TRPM1: variants seen among roughly 807,000 people sequenced by gnomAD.
The protein encoded by TRPM1 is TRPM1-203 APA Isoform, Intron 10.
Under a neutral mutation model 149.4 loss-of-function variants are expected in TRPM1, and 113 were observed. That is an observed-to-expected ratio of 0.76 (90% CI 0.65 to 0.88). The LOEUF (loss-of-function observed/expected upper bound fraction) is 0.88, where lower values mean the gene tolerates loss of function less well. TRPM1 is among the 40% of genes least tolerant of loss of function. The pLI, the probability that TRPM1 is intolerant of heterozygous loss-of-function variation, is 0.00. For missense variants in TRPM1, 1,976 were observed against 2,038.7 expected (o/e 0.97, Z 0.59); for synonymous variants, 741 against 759.5 (o/e 0.98, Z 0.40).
At chr15:31,113,803 T>C (rs2338854) in intron 1 of TRPM1, among the ~76,000 whole-genome samples, 61,533 of 151,664 alleles carry the variant, frequency 0.41, 13,096 homozygotes, top group East Asian at 0.72. Flanking sequence ...GACCCACAGT[T>C]AGCAACAGCA....
intron 1 of TRPM1, among the ~76,000 whole-genome samples, chr15:31,147,314 G>C (rs527849607): frequency 6.6e-6 from 1 of 152,180 alleles, no homozygotes; most frequent in Non-Finnish European, 1.5e-5. Context: ...ACAAAGAACC[G>C]TTCTGAATTT....
intron 1 of TRPM1, among the ~76,000 whole-genome samples, chr15:31,109,698 TA>T (rs71420547): frequency 0.011 from 1,298 of 123,024 alleles, 7 homozygotes; most frequent in African/African-American, 0.03. Flanking sequence ...AGACTCTGTC[TA>T]AAAAAAAAAA....
intron 1 of TRPM1, among the ~76,000 whole-genome samples, chr15:31,136,643 C>CCGAA (rs1017070595): frequency 2.0e-5 from 3 of 152,120 alleles, no homozygotes; most frequent in African/African-American, 7.2e-5. Flanking sequence ...AATCCTTAAC[C>CCGAA]CGAACGAAGT....
rs1372434952 is a variant in TRPM1 at position 31,028,447 on chromosome 15, C to T, written c.3178G>A (p.Glu1060Lys). The T allele has an allele frequency of 2.1e-5, 34 of 1,613,876 alleles. No individual in the cohort carries two copies. The highest frequency in any genetic ancestry group is 2.8e-5 in the Non-Finnish European group (33 of 1,180,032). ...PPCGENLYDEEGKRLPPCIPG... is the reference protein window; with the variant it reads ...PPCGENLYDEKGKRLPPCIPG... ...ATACAGGGAGGAAGCCGCTTGCCCT[C>T]CTCATCATATAGGTTCTCACCACAA... The change falls in exon 25 of 28, where the codon GAG (glutamate) becomes AAG (lysine). Residue 1060 changes from glutamate to lysine, a missense_variant. Around this residue, in one of 3 missense-constraint regions of TRPM1, gnomAD observed 1,332 missense variants for 1,347.1 expected, o/e 0.99. Coordinates refer to ENST00000256552, the MANE Select transcript of TRPM1 (RefSeq NM_001252024.2).
chr15:31,040,822 T>C lies in TRPM1; in HGVS notation c.2088-476A>G, dbSNP rs1472595931. Among the ~76,000 whole-genome samples the C allele has an allele frequency of 1.3e-5, 2 of 152,094 alleles. No individual in the cohort carries two copies. The highest frequency in any genetic ancestry group is 2.9e-5 in the Non-Finnish European group (2 of 67,990). ...GGGCTGGTGGGTGCCGGCTAGGTTC[T>C]TAGTTGATCTGGGTGCTGGTGGTGC... On this transcript the variant is annotated intron_variant, in intron 17 of 27. Coordinates refer to ENST00000256552, the MANE Select transcript of TRPM1 (RefSeq NM_001252024.2). This position sits in a 1 kb window ranked among gnomAD's most constrained non-coding sequence, Gnocchi z 4.2.
upstream of TRPM1, among the ~76,000 whole-genome samples, chr15:31,104,622 C>T (rs191405611): frequency 1.1e-3 from 111 of 105,002 alleles, no homozygotes; most frequent in African/African-American, 3.5e-3. Flanking sequence ...GAGACGGAGT[C>T]TTGCTCTGTT....
intron 13 of TRPM1, 28 bp from the exon 14 acceptor site, chr15:31,047,967 AAT>A: frequency 1.2e-6 from 2 of 1,610,976 alleles, no homozygotes; most frequent in Non-Finnish European, 1.7e-6. Flanking sequence ...ATGTGTGTTA[AAT>A]ATGTTTTTCT....
In TRPM1 at chr15:31,032,731, G is replaced by C. The variant is rs748497887; in HGVS notation, c.2910C>G (p.Val970=). 6.2e-7 allele frequency: 1 copy of C among 1,614,094 alleles called. No homozygotes were observed. Among genetic ancestry groups the C allele is most frequent in the South Asian group, 1.1e-5 (1 of 91,076 alleles). ...TCACGTATGGCCCCAGATACTTGTT[G>C]ACACCAAAGATGTCCAGGACACGGA... is the stretch of plus-strand genomic sequence containing the variant. ...WYIRVLDIFG[V]NKYLGPYVMM... is the part of the protein sequence containing the mutation. The change falls in exon 22 of 28, where the codon GTC becomes GTG. Residue 970 remains valine (V), a synonymous_variant. Coordinates refer to ENST00000256552, the MANE Select transcript of TRPM1 (RefSeq NM_001252024.2).
Position 31,042,116 on chromosome 15 carries a change from G to C in TRPM1, c.1922C>G (p.Ala641Gly). 3 of 1,614,184 alleles carry C rather than the reference G, an allele frequency of 1.9e-6. No individual in the cohort carries two copies. Among genetic ancestry groups the C allele is most frequent in the Non-Finnish European group, 2.5e-6 (3 of 1,180,028 alleles). ...QYPFHELMVW[A>G]VLMKRQKMAV... is the part of the protein sequence containing the mutation. ...CATTTTCTGGCGTTTCATCAGCACT[G>C]CCCACACCATCAGCTCGTGGAAGGG... The change falls in exon 17 of 28, where the codon GCA becomes GGA. Residue 641 changes from alanine to glycine, a missense_variant. By Grantham distance (60) the Ala-to-Gly change is moderately conservative. Around this residue, in one of 3 missense-constraint regions of TRPM1, gnomAD observed 1,332 missense variants for 1,347.1 expected, o/e 0.99. Transcript: ENST00000256552.
Position 31,032,813 on chromosome 15 carries a change from T to A in TRPM1, c.2828A>T (p.Gln943Leu), listed in dbSNP as rs749721389. ...MIGAILRLQN[Q>L]PYMGYGRVIY... ...CACCCGGCCATAGCCCATGTAGGGCTGGTTCTGTAGGCGAAGAATTGCTCC... is the reference window on the plus strand; with the variant it reads ...CACCCGGCCATAGCCCATGTAGGGCAGGTTCTGTAGGCGAAGAATTGCTCC... The change falls in exon 22 of 28, where the codon CAG (glutamine) becomes CTG (leucine). Residue 943 changes from glutamine (Q) to leucine (L), a missense_variant. Physicochemically the swap from Gln to Leu is moderately radical, Grantham distance 113. Transcript: ENST00000256552. 1.2e-6 allele frequency: 2 copies of A among 1,614,210 alleles called. No individual in the cohort carries two copies. Among genetic ancestry groups the A allele is most frequent in the Non-Finnish European group, 1.7e-6 (2 of 1,180,044 alleles).
Position 31,148,007 on chromosome 15 carries a change from C to CA in TRPM1, c.54+12898dup, listed in dbSNP as rs542683654. ...CAATTAAAATACAAAACAAAACAAA[C>CA]AAAAAAACAAAACAAAAAATGTCAG... On this transcript the variant is annotated intron_variant, in intron 1 of 26. Transcript: ENST00000542188. Among the ~76,000 whole-genome samples, 150 of 152,062 alleles carry CA rather than the reference C, an allele frequency of 9.9e-4. 1 individual carries two copies. Among genetic ancestry groups the CA allele is most frequent in the Middle Eastern group, 3.4e-3 (1 of 294 alleles).
rs772868894 is a variant in TRPM1, at chr15:31,070,201, G to T, written c.109C>A (p.Gln37Lys). ...NRCCCGQFTN[Q>K]HIPPLPSATP... Reference sequence around the variant, plus strand: ...GCACTTGGCAGAGGGGGGATATGCTGGTTGGTGAACTGGCCACAGCAACAC... The same window carrying T: ...GCACTTGGCAGAGGGGGGATATGCTTGTTGGTGAACTGGCCACAGCAACAC... Residue 37 changes from glutamine (Q) to lysine (K), a missense_variant, in exon 4 of 28, where the codon CAG becomes AAG. Physicochemically the swap from Gln to Lys is moderately conservative, Grantham distance 53. Coordinates refer to ENST00000256552, the MANE Select transcript of TRPM1 (RefSeq NM_001252024.2). The T allele has an allele frequency of 6.2e-7, 1 of 1,613,868 alleles. No individual in the cohort carries two copies. Among genetic ancestry groups the T allele is most frequent in the Non-Finnish European group, 8.5e-7 (1 of 1,179,936 alleles).
At chr15:31,005,719 A>G (rs992070927) in intron 27 of TRPM1, among the ~76,000 whole-genome samples, 3 of 152,260 alleles carry the variant, frequency 2.0e-5, no homozygotes, top group African/African-American at 7.2e-5. Flanking sequence ...AAGAAGAAAG[A>G]TAAAAATGAG....
intron 24 of TRPM1, 121 bp downstream of exon 24, chr15:31,029,250 T>A: frequency 9.5e-7 from 1 of 1,047,906 alleles, no homozygotes; most frequent in Non-Finnish European, 1.5e-6. Flanking sequence ...TAAAAAGTAC[T>A]GGCACCAAAA....
intron 1 of TRPM1, among the ~76,000 whole-genome samples, chr15:31,125,558 G>A (rs1482789810): frequency 6.7e-6 from 1 of 148,424 alleles, no homozygotes; most frequent in African/African-American, 2.5e-5. Flanking sequence ...GTGAAACCTC[G>A]TCTCTACTAA....
chr15:31,075,265 T>TG (rs1458464281), intron 3 of TRPM1, among the ~76,000 whole-genome samples: 1 of 152,220 alleles, frequency 6.6e-6, no homozygotes, highest in Non-Finnish European at 1.5e-5. Context: ...TTATTGAAAG[T>TG]GGGGTATTGA....
Position 31,063,105 on chromosome 15 carries a change from T to C in TRPM1, c.965+13A>G. ...TTACGAACCCGCCCTTCCTCGCGCG[T>C]CAGAAATCCTACCCGCCTTCTTCAC... is the stretch of plus-strand genomic sequence containing the variant. On this transcript the variant is annotated intron_variant, in intron 8 of 27. Transcript: ENST00000256552. 1 of 1,614,144 alleles carries C rather than the reference T, an allele frequency of 6.2e-7. No homozygotes were observed. The highest frequency in any genetic ancestry group is 1.1e-5 in the South Asian group (1 of 91,074).
At chr15:31,155,543 G>A (rs2036359921) in intron 1 of TRPM1, among the ~76,000 whole-genome samples, 1 of 152,148 alleles carries the variant, frequency 6.6e-6, no homozygotes, top group Non-Finnish European at 1.5e-5. Flanking sequence ...TGTTTAAATT[G>A]TGAAAACATT....
intron 27 of TRPM1, among the ~76,000 whole-genome samples, chr15:31,016,123 G>A (rs562915825): frequency 6.6e-6 from 1 of 152,126 alleles, no homozygotes; most frequent in Non-Finnish European, 1.5e-5. Flanking sequence ...GTAAACGTAC[G>A]TTACTATCCT....
Sources: allele counts gnomAD v4.1 joint callset (sites outside exome capture counted in the v4.1 genomes callset), GRCh38; gene constraint gnomAD v4.1.1; regional missense constraint gnomAD v4.1.1; non-coding constraint Gnocchi (gnomAD v3.1); transcripts MANE v1.5; gene names NCBI Gene and HGNC (gene_info 2026-07-23, HGNC 2026-07-21).